The following HDAC4 variants were observed in gnomAD, a reference collection of about 807,000 sequenced individuals.
The protein encoded by HDAC4 is histone deacetylase 4, also known as histone deacetylase A.
Under a neutral mutation model 135.1 loss-of-function variants are expected in HDAC4, and 16 were observed. That is an observed-to-expected ratio of 0.12 (90% confidence interval 0.08 to 0.18). The LOEUF is 0.18. Ranked by LOEUF, HDAC4 falls within the 10% of genes least tolerant of loss-of-function variation. The pLI is 1.00. For missense variants in HDAC4, 1,143 were observed against 1,511.8 expected (o/e 0.76, Z 4.05); for synonymous variants, 685 against 653.4 (o/e 1.05, Z -0.74).
intron 1 of HDAC4, among the ~76,000 whole-genome samples, chr2:239,383,137 C>T (rs1575787026): frequency 6.6e-6 from 1 of 152,198 alleles, no homozygotes; most frequent in Non-Finnish European, 1.5e-5. Context: ...GTCCAGTTCA[C>T]GGATCTCACC....
At chr2:239,401,033 C>T (rs1200097242), upstream of HDAC4, 4 of 152,558 alleles carry the variant, frequency 2.6e-5, no homozygotes, top group African/African-American at 7.2e-5. Context: ...CGATAGGCCA[C>T]CCCGCACGCC....
rs139858914 is a variant in HDAC4, at chr2:239,365,687, G to A, written c.-219-12769C>T. Among the ~76,000 whole-genome samples the A allele has an allele frequency of 4.9e-3, 747 of 151,272 alleles. 4 individuals are homozygous for A. Among genetic ancestry groups the A allele is most frequent in the Middle Eastern group, 0.028 (8 of 290 alleles). ...CAAGCCAGGGTTGTCAGGGTCATGC[G>A]TGTGGCACCAGGGGACACACACAGA... On this transcript the variant is annotated intron_variant, in intron 1 of 26. Coordinates refer to ENST00000543185, the MANE Select transcript of HDAC4 (RefSeq NM_001378414.1).
intron 2 of HDAC4, among the ~76,000 whole-genome samples, chr2:239,341,561 C>T (rs893783592): frequency 2.6e-4 from 39 of 152,196 alleles, no homozygotes; most frequent in African/African-American, 8.2e-4. Context: ...ACATGGAAAC[C>T]CTGAGTGTGC....
intron 22 of HDAC4, among the ~76,000 whole-genome samples, chr2:239,080,270 A>T (rs1429455727): frequency 3.9e-5 from 6 of 152,234 alleles, no homozygotes; most frequent in Admixed American, 3.9e-4. Context: ...ATGGAGACAG[A>T]GAAAGAGAAA....
chr2:239,371,605 TCA>T (rs560974959), intron 1 of HDAC4, among the ~76,000 whole-genome samples: 1 of 152,014 alleles, frequency 6.6e-6, no homozygotes, highest in Non-Finnish European at 1.5e-5. Context: ...ACACTCATGC[TCA>T]CACATTCACA....
At chr2:239,248,828 C>T (rs2048616204) in intron 2 of HDAC4, among the ~76,000 whole-genome samples, 1 of 152,216 alleles carries the variant, frequency 6.6e-6, no homozygotes, top group South Asian at 2.1e-4. Context: ...TGCTGTTCTG[C>T]CTCTCCACAC....
chr2:239,163,701 T>C, intron 6 of HDAC4, 102 bp downstream of exon 6: 1 of 1,224,986 alleles, frequency 8.2e-7, no homozygotes. Flanking sequence ...CCTCCTTCCC[T>C]GCCTCCGGTG....
rs1047150436 is a variant in HDAC4 at position 239,066,627 on chromosome 2, T to C, written c.3003+95A>G. 5.1e-6 allele frequency: 8 copies of C among 1,567,896 alleles called. No individual in the cohort carries two copies. In the African/African-American group the frequency reaches 9.5e-5, roughly 19 times the overall value. ...AGCATCCACGTGGTCAGAGACCCACTGGCTTTTTCATGCTCTGGGGCTCTC... is the reference window on the plus strand; with the variant it reads ...AGCATCCACGTGGTCAGAGACCCACCGGCTTTTTCATGCTCTGGGGCTCTC... On this transcript the variant is annotated intron_variant, in intron 24 of 26. Transcript: ENST00000543185.
intron 2 of HDAC4, among the ~76,000 whole-genome samples, chr2:239,265,126 G>A (rs944891408): frequency 6.6e-6 from 1 of 152,166 alleles, no homozygotes; most frequent in Non-Finnish European, 1.5e-5. Flanking sequence ...TTGAACCACT[G>A]TGAACCCGCC....
In HDAC4 at chr2:239,382,686, C is replaced by T. The variant is rs529446590; in HGVS notation, c.-220+18292G>A. ...GGGGCCAGGCCAGGAAAAGCCAGCC[C>T]ACCGTGATGGGAGCTTTCTTTAACA... On this transcript the variant is annotated intron_variant, in intron 1 of 26. Transcript: ENST00000543185. Among the ~76,000 whole-genome samples the T allele has an allele frequency of 5.3e-5, 8 of 152,290 alleles. No homozygotes were observed. In the East Asian group the frequency reaches 1.5e-3, roughly 29 times the overall value.
In HDAC4 at chr2:239,088,167, G is replaced by A. The variant is rs112346667; in HGVS notation, c.2389-553C>T. Among the ~76,000 whole-genome samples the A allele has an allele frequency of 1.8e-3, 276 of 152,284 alleles. 2 individuals are homozygous for A. The highest frequency in any genetic ancestry group is 6.3e-3 in the African/African-American group (260 of 41,562). Reference sequence around the variant, plus strand: ...AGCTCCTCTCACACTGGGCAGAAACGCTGTCCTCTGCCCCATCACTTCTGC... The same window carrying A: ...AGCTCCTCTCACACTGGGCAGAAACACTGTCCTCTGCCCCATCACTTCTGC... On this transcript the variant is annotated intron_variant, in intron 18 of 26. Transcript: ENST00000543185.
At chr2:239,348,547 GAGA>G (rs748431525) in intron 2 of HDAC4, among the ~76,000 whole-genome samples, 23 of 152,164 alleles carry the variant, frequency 1.5e-4, no homozygotes, top group Non-Finnish European at 2.6e-4. Flanking sequence ...AAGGGAATGG[GAGA>G]AAAAAAAGGA....
At chr2:239,103,970 G>A (rs3791398) in intron 15 of HDAC4, among the ~76,000 whole-genome samples, 42,874 of 152,228 alleles carry the variant, frequency 0.28, 6,283 homozygotes, top group Non-Finnish European at 0.32. Flanking sequence ...CGGATGCTCT[G>A]CGGGTTCTCT....
chr2:239,208,438 T>C (rs1434469783), intron 3 of HDAC4, among the ~76,000 whole-genome samples: 15 of 151,434 alleles, frequency 9.9e-5, no homozygotes. Context: ...TGAAAGTAAG[T>C]ATATGTTAAA....
chr2:239,197,057 G>A (rs1233550491), intron 3 of HDAC4, among the ~76,000 whole-genome samples: 3 of 152,102 alleles, frequency 2.0e-5, no homozygotes, highest in East Asian at 1.9e-4. Context: ...TAAGTCTCCC[G>A]CTTCCTTTGT....
chr2:239,277,895 T>TATGCCCCAGTCAC (rs1553595815), intron 2 of HDAC4, among the ~76,000 whole-genome samples: 1 of 150,984 alleles, frequency 6.6e-6, no homozygotes, highest in African/African-American at 2.4e-5. Context: ...GCCCCAGTCA[T>TATGCCCCAGTCAC]ACGCCCCAGT....
chr2:239,288,615 A>T (rs1240735044), intron 2 of HDAC4, among the ~76,000 whole-genome samples: 1 of 152,100 alleles, frequency 6.6e-6, no homozygotes, highest in Non-Finnish European at 1.5e-5. Flanking sequence ...TAAAAATAAA[A>T]TATAAAAATC....
At chr2:239,179,284 C>T (rs1379543069) in intron 4 of HDAC4, among the ~76,000 whole-genome samples, 3 of 152,232 alleles carry the variant, frequency 2.0e-5, no homozygotes, top group African/African-American at 7.2e-5. Context: ...GACAGGGGTC[C>T]CCACCTCCGG....
At chr2:239,225,331 A>C (rs2047177208) in intron 3 of HDAC4, among the ~76,000 whole-genome samples, 1 of 152,284 alleles carries the variant, frequency 6.6e-6, no homozygotes, top group Non-Finnish European at 1.5e-5. Flanking sequence ...AAAATTAACA[A>C]GTGAAATGTT....
Sources: gnomAD v4.1 joint callset for allele counts (sites outside exome capture counted in the v4.1 genomes callset) on GRCh38, gnomAD v4.1.1 for gene constraint, MANE v1.5 for transcripts, NCBI Gene and HGNC (gene_info 2026-07-23, HGNC 2026-07-21) for gene names.